The following ADGRL2 variants were observed in gnomAD, a reference collection of about 807,000 sequenced individuals.
The protein encoded by ADGRL2 is calcium-independent alpha-latrotoxin receptor 2.
A neutral mutation model predicts 157.4 loss-of-function variants in ADGRL2; 44 were observed. That is an observed-to-expected ratio of 0.28 (90% CI 0.22 to 0.36). The LOEUF is 0.36. Ranked by LOEUF, ADGRL2 falls within the 10% of genes least tolerant of loss-of-function variation. The pLI is 1.00. For missense variants in ADGRL2, 1,510 were observed against 1,768.9 expected (o/e 0.85, Z 2.63); for synonymous variants, 585 against 624.7 (o/e 0.94, Z 0.95).
chr1:81,490,000 C>T (rs2078594796), intron 2 of ADGRL2, among the ~76,000 whole-genome samples: 2 of 139,074 alleles, frequency 1.4e-5, no homozygotes, highest in African/African-American at 5.9e-5. Context: ...TATATAGTAA[C>T]TGAAAGCCAT....
At chr1:81,850,518 G>A (rs1468203299) in intron 2 of ADGRL2, among the ~76,000 whole-genome samples, 2 of 151,878 alleles carry the variant, frequency 1.3e-5, no homozygotes, top group Non-Finnish European at 1.5e-5. Context: ...TCAAAGTGAG[G>A]TTTTCCTCCC....
chr1:81,753,767 G>A (rs946012340), intron 1 of ADGRL2, among the ~76,000 whole-genome samples: 6 of 152,116 alleles, frequency 3.9e-5, no homozygotes, highest in Admixed American at 1.3e-4. Context: ...CTGTTTTTTA[G>A]TTGATCAGTC....
intron 2 of ADGRL2, among the ~76,000 whole-genome samples, chr1:81,777,160 A>G (rs1279833653): frequency 6.6e-6 from 1 of 152,218 alleles, no homozygotes; most frequent in Admixed American, 6.5e-5. Context: ...GTAAAATAAT[A>G]CTTCCAGAAC....
At position 81,967,970 on chromosome 1, in the gene ADGRL2, C is replaced by T. The variant is rs1572420652; in HGVS notation, c.2350-56C>T. 8 of 1,351,922 alleles carry T rather than the reference C, an allele frequency of 5.9e-6. No homozygotes were observed. In the East Asian group the frequency reaches 1.6e-4, roughly 27 times the overall value. The allele number at this position is 1,351,922 out of a possible 1,614,324, so 83.7% of individuals were successfully genotyped here. On this transcript the variant is annotated intron_variant, in intron 13 of 23. Transcript: ENST00000686636. ...ACCTTTTATACATATTAAACAATTG[C>T]TGTTGCCATCTTAGAATATAAAATC...
intron 1 of ADGRL2, among the ~76,000 whole-genome samples, chr1:81,428,726 A>C (rs1216226340): frequency 6.6e-6 from 1 of 152,112 alleles, no homozygotes; most frequent in African/African-American, 2.4e-5. Context: ...TCTTTTCTGC[A>C]AGTTTTTCTG....
intron 2 of ADGRL2, among the ~76,000 whole-genome samples, chr1:81,559,449 GTTT>G (rs548031419): frequency 7.1e-6 from 1 of 140,692 alleles, no homozygotes. Flanking sequence ...TATGCTCCAT[GTTT>G]TTTTTTTTTT....
intron 1 of ADGRL2, among the ~76,000 whole-genome samples, chr1:81,356,673 G>T (rs1432932118): frequency 6.6e-6 from 1 of 152,042 alleles, no homozygotes; most frequent in African/African-American, 2.4e-5. Context: ...TTTCTTTTTG[G>T]CTGGGTGCAA....
rs968620163 is a variant in ADGRL2 at position 81,316,570 on chromosome 1, G to A, written c.-302+10061G>A. On this transcript the variant is annotated intron_variant, in intron 1 of 24. Transcript: ENST00000370721. ...AATAATGAAACTTCACTAAACAGATGTTCCCCCTTTAAGGAGACTCTTGGA... is the reference window on the plus strand; with the variant it reads ...AATAATGAAACTTCACTAAACAGATATTCCCCCTTTAAGGAGACTCTTGGA... Among the ~76,000 whole-genome samples, 4 of 152,204 alleles carry A rather than the reference G, an allele frequency of 2.6e-5. No homozygotes were observed. The South Asian group carries it at 6.2e-4, about 24-fold the overall frequency.
chr1:81,368,177 C>T (rs1031651983), intron 1 of ADGRL2, among the ~76,000 whole-genome samples: 23 of 152,302 alleles, frequency 1.5e-4, no homozygotes, highest in Admixed American at 1.5e-3. Flanking sequence ...CCTCCACAAC[C>T]TCACCAGCAT....
chr1:81,825,214 T>C (rs549685946), intron 1 of ADGRL2, among the ~76,000 whole-genome samples: 3 of 151,624 alleles, frequency 2.0e-5, no homozygotes, highest in African/African-American at 7.3e-5. Context: ...GAAATAAAAA[T>C]TTTTTTTTGT....
intron 1 of ADGRL2, among the ~76,000 whole-genome samples, chr1:81,708,209 A>T (rs1411640251): frequency 2.0e-5 from 3 of 152,152 alleles, no homozygotes; most frequent in Admixed American, 1.3e-4. Context: ...TTGTTGGTTT[A>T]TCCGTCAAAG....
intron 1 of ADGRL2, among the ~76,000 whole-genome samples, chr1:81,715,261 A>AT (rs1345861422): frequency 2.6e-5 from 4 of 151,706 alleles, no homozygotes; most frequent in African/African-American, 9.7e-5. Context: ...AAAAAGCCAC[A>AT]TTTATTCACA....
At chr1:81,743,626 G>A (rs1174470805) in intron 1 of ADGRL2, among the ~76,000 whole-genome samples, 1 of 151,970 alleles carries the variant, frequency 6.6e-6, no homozygotes, top group Admixed American at 6.6e-5. Context: ...AAGAAAATGA[G>A]CAAATTAGAG....
chr1:81,949,553 C>T (rs540672795), intron 6 of ADGRL2, among the ~76,000 whole-genome samples: 3 of 152,292 alleles, frequency 2.0e-5, no homozygotes, highest in Admixed American at 2.0e-4. Context: ...CTTCTTCATA[C>T]CTACCTTTTT....
intron 2 of ADGRL2, among the ~76,000 whole-genome samples, chr1:81,466,503 A>G (rs1291068299): frequency 6.6e-6 from 1 of 152,134 alleles, no homozygotes; most frequent in Admixed American, 6.6e-5. Context: ...TTTCATCTCT[A>G]TTGTGCCTAT....
intron 1 of ADGRL2, among the ~76,000 whole-genome samples, chr1:81,701,215 G>T (rs574523884): frequency 6.6e-6 from 1 of 152,004 alleles, no homozygotes; most frequent in Non-Finnish European, 1.5e-5. Flanking sequence ...AATGTTTTTG[G>T]TTTCTGAAAA....
chr1:81,960,574 A>C (rs1655026473), intron 11 of ADGRL2, among the ~76,000 whole-genome samples: 1 of 151,314 alleles, frequency 6.6e-6, no homozygotes, highest in African/African-American at 2.4e-5. Flanking sequence ...TCCTGGGTTC[A>C]AGTGATTCTC....
At chr1:81,907,944 C>T (rs943379075) in intron 3 of ADGRL2, among the ~76,000 whole-genome samples, 4 of 152,150 alleles carry the variant, frequency 2.6e-5, no homozygotes, top group African/African-American at 9.7e-5. Context: ...ACTGCGTGTA[C>T]CATGGTGGTT....
chr1:81,427,841 C>A (rs1356681902), intron 1 of ADGRL2, among the ~76,000 whole-genome samples: 1 of 152,152 alleles, frequency 6.6e-6, no homozygotes, highest in Admixed American at 6.5e-5. Flanking sequence ...TTGATTAATG[C>A]GATGTAGTGT....
Sources: gnomAD v4.1 joint callset for allele counts (sites outside exome capture counted in the v4.1 genomes callset) on GRCh38, gnomAD v4.1.1 for gene constraint, MANE v1.5 for transcripts, NCBI Gene and HGNC (gene_info 2026-07-23, HGNC 2026-07-21) for gene names.